SRSF11: variants seen among roughly 807,000 people sequenced by gnomAD.
SRSF11 encodes serine/arginine-rich splicing factor 11.
SRSF11 carries 9 observed loss-of-function variants against 56.0 expected under a neutral mutation model. The observed-to-expected ratio is 0.16, with a 90% CI of 0.10 to 0.28. The LOEUF is 0.28. Among genes scored for constraint, SRSF11 ranks in the 10% least tolerant of loss-of-function variants. The pLI is 1.00. For synonymous variants in SRSF11, 222 were observed against 215.3 expected, an observed-to-expected ratio of 1.03 and a Z score of -0.27; for missense variants, 421 against 600.7, an observed-to-expected ratio of 0.70 and a Z score of 3.13.
chr1:70,223,975 T>C (rs937633471), intron 1 of SRSF11, among the ~76,000 whole-genome samples: 5 of 152,206 alleles, frequency 3.3e-5, no homozygotes, highest in Non-Finnish European at 7.4e-5. Flanking sequence ...CCACTGTGAA[T>C]TGAAAATATA....
intron 7 of SRSF11, among the ~76,000 whole-genome samples, chr1:70,240,388 C>A (rs1427976250): frequency 1.3e-5 from 2 of 152,152 alleles, no homozygotes; most frequent in East Asian, 1.9e-4. Context: ...ATAGCCCCTA[C>A]CTTGATTTGT....
chr1:70,207,303 G>T (rs2100408136), intron 1 of SRSF11, among the ~76,000 whole-genome samples: 1 of 152,184 alleles, frequency 6.6e-6, no homozygotes, highest in Non-Finnish European at 1.5e-5. Flanking sequence ...CCCATACCAG[G>T]CTCAGTGCTA....
chr1:70,241,050 G>A (rs1346186206), intron 7 of SRSF11, among the ~76,000 whole-genome samples: 1 of 152,150 alleles, frequency 6.6e-6, no homozygotes, highest in Non-Finnish European at 1.5e-5. Context: ...GGGATTACAG[G>A]TGTGAGCCAC....
rs772410174 is a variant in SRSF11, at chr1:70,239,559, A to G, written c.800+39A>G. On this transcript the variant is annotated intron_variant, in intron 7 of 11. Transcript: ENST00000370949. ...TTAGTCAATTATACCTTAGACAAAG[A>G]TAATTTATATATGTCACATCTTTTT... 1.6e-5 allele frequency: 22 copies of G among 1,391,150 alleles called. No homozygotes were observed. In the African/African-American group the frequency reaches 3.1e-4, roughly 20 times the overall value. 86.2% of individuals were successfully genotyped at this position (1,391,150 alleles called of 1,614,324 possible).
chr1:70,218,933 A>G (rs1187496004), upstream of SRSF11: 1 of 152,234 alleles, frequency 6.6e-6, no homozygotes, highest in Admixed American at 6.5e-5. Context: ...TTAAAAATAA[A>G]AGGTTTTAGA....
chr1:70,248,915 A>G (rs1677353719), intron 9 of SRSF11: 1 of 152,238 alleles, frequency 6.6e-6, no homozygotes, highest in African/African-American at 2.4e-5. Flanking sequence ...ACAATGTTTG[A>G]TAAGTGAATG....
intron 2 of SRSF11, chr1:70,229,875 T>G: frequency 4.1e-6 from 4 of 985,194 alleles, no homozygotes; most frequent in Non-Finnish European, 4.8e-6. Flanking sequence ...TGAGCCCAGT[T>G]TTAAGGTTTT....
chr1:70,242,472 C>CTTTTTTTTTTTTTTTTTTTTTT (rs377434872), intron 7 of SRSF11, among the ~76,000 whole-genome samples: 1 of 139,392 alleles, frequency 7.2e-6, no homozygotes, highest in African/African-American at 2.7e-5. Context: ...ATTTTTGCAC[C>CTTTTTTTTTTTTTTTTTTTTTT]TTTTTTTTTT....
chr1:70,221,377 G>C (rs1012175505), upstream of SRSF11: 5 of 493,548 alleles, frequency 1.0e-5, no homozygotes, highest in Admixed American at 3.9e-5. Flanking sequence ...GCTCGGGCCC[G>C]CTAGTGTCGT....
rs182746516 is a variant in SRSF11 at position 70,230,737 on chromosome 1, G to A, written c.338-1531G>A. 8.3e-5 allele frequency: 97 copies of A among 1,173,254 alleles called. No individual in the cohort carries two copies. In the African/African-American group the frequency reaches 1.4e-3, roughly 17 times the overall value. 72.7% of individuals were successfully genotyped at this position (1,173,254 alleles called of 1,614,324 possible). On this transcript the variant is annotated intron_variant, in intron 2 of 11. Transcript: ENST00000370949. ...AATGGATGCAGATCTTCTATCAGGT[G>A]TCTCACAATAAATTCAAGAGGATTT...
At chr1:70,248,710 C>T (rs1677299957) in intron 9 of SRSF11, 1 of 151,644 alleles carries the variant, frequency 6.6e-6, no homozygotes, top group South Asian at 2.1e-4. Flanking sequence ...TTGTAAGTGC[C>T]TTCTCATGCT....
In SRSF11 at chr1:70,221,572, C is replaced by G; in HGVS notation, c.-65C>G. 6.5e-7 allele frequency: 1 copy of G among 1,540,718 alleles called. No homozygotes were observed. Among genetic ancestry groups the G allele is most frequent in the Non-Finnish European group, 8.8e-7 (1 of 1,142,280 alleles). On this transcript the variant is annotated 5_prime_UTR_variant, in exon 1 of 12. Coordinates refer to ENST00000370949, the MANE Select transcript of SRSF11 (RefSeq NM_001350605.2). ...CTCCCGCAATCCGGTTCCTCTTCCC[C>G]CTCCTTCTCACTGTTTGTTGTGTGT...
At chr1:70,220,465 C>G (rs1243316452), upstream of SRSF11, among the ~76,000 whole-genome samples, 2 of 152,162 alleles carry the variant, frequency 1.3e-5, no homozygotes, top group Non-Finnish European at 2.9e-5. Context: ...GTATGTGAAA[C>G]AAGTTTTTCT....
chr1:70,231,872 A>G, intron 2 of SRSF11: 1 of 1,493,968 alleles, frequency 6.7e-7, no homozygotes, highest in Non-Finnish European at 8.9e-7. Context: ...AGCAGCCGAC[A>G]CGAGTCGTTG....
chr1:70,215,944 G>A (rs1173436290), intron 1 of SRSF11, among the ~76,000 whole-genome samples: 2 of 152,142 alleles, frequency 1.3e-5, no homozygotes, highest in Non-Finnish European at 2.9e-5. Flanking sequence ...GCGCCACCAC[G>A]CGCGGCTGAT....
intron 5 of SRSF11, among the ~76,000 whole-genome samples, chr1:70,236,493 G>T (rs1274588400): frequency 1.3e-5 from 2 of 151,708 alleles, no homozygotes; most frequent in African/African-American, 2.4e-5. Flanking sequence ...ACCACATCCG[G>T]CTAATTTTTT....
intron 6 of SRSF11, among the ~76,000 whole-genome samples, chr1:70,238,391 A>T (rs1015538429): frequency 3.9e-5 from 6 of 152,206 alleles, no homozygotes; most frequent in Non-Finnish European, 7.3e-5. Flanking sequence ...CAATATTTTT[A>T]TGAATTTATT....
chr1:70,238,757 C>T (rs1433344807), intron 6 of SRSF11, among the ~76,000 whole-genome samples: 1 of 152,146 alleles, frequency 6.6e-6, no homozygotes, highest in Non-Finnish European at 1.5e-5. Flanking sequence ...GGGGACCCCT[C>T]ATTTAGAACC....
intron 1 of SRSF11, among the ~76,000 whole-genome samples, chr1:70,208,899 CT>C (rs1669297663): frequency 6.6e-6 from 1 of 152,108 alleles, no homozygotes; most frequent in Admixed American, 6.5e-5. Flanking sequence ...AAAGTATTTG[CT>C]TTTTTAGAAA....
Sources: gnomAD v4.1 joint callset for allele counts (sites outside exome capture counted in the v4.1 genomes callset) on GRCh38, gnomAD v4.1.1 for gene constraint, MANE v1.5 for transcripts, NCBI Gene and HGNC (gene_info 2026-07-23, HGNC 2026-07-21) for gene names.